The following CUX1 variants were observed in gnomAD, a reference collection of about 807,000 sequenced individuals.
The protein encoded by CUX1 is cut like homeobox 1, also known as protein CASP.
A neutral mutation model predicts 158.8 loss-of-function variants in CUX1; 31 were observed. The ratio of observed to expected loss-of-function variants is 0.20; its 90% CI spans 0.15 to 0.26. The LOEUF (loss-of-function observed/expected upper bound fraction) is 0.26. Ranked by LOEUF, CUX1 falls within the 10% of genes least tolerant of loss-of-function variation. CUX1 has a pLI of 1.00. For missense variants in CUX1, 1,589 were observed against 2,014.6 expected, an observed-to-expected ratio of 0.79 and a Z score of 4.04; for synonymous variants, 879 against 862.1, an observed-to-expected ratio of 1.02 and a Z score of -0.34.
At chr7:102,180,314 CT>C (rs782269252) in intron 11 of CUX1, among the ~76,000 whole-genome samples, 11,824 of 127,726 alleles carry the variant, frequency 0.093, 410 homozygotes, top group Admixed American at 0.13. Flanking sequence ...GAGCCACTGC[CT>C]TTTTTTTTTT....
Position 102,254,659 on chromosome 7 carries a change from T to C in CUX1, c.*5617T>C, listed in dbSNP as rs1789693006. ...GCATTGACCAGCCAAAGCTCACATT[T>C]AGAAAGCCCTCAGTGCTTCTGTGGT... On this transcript the variant is annotated 3_prime_UTR_variant, in exon 24 of 24. Coordinates refer to ENST00000292535, the MANE Select transcript of CUX1 (RefSeq NM_181552.4). 1.0e-6 allele frequency: 1 copy of C among 985,318 alleles called. No individual in the cohort carries two copies. Among genetic ancestry groups the C allele is most frequent in the Non-Finnish European group, 1.2e-6 (1 of 829,958 alleles). 61.0% of individuals were successfully genotyped at this position (985,318 alleles called of 1,614,324 possible). A position where few individuals can be genotyped will look rare whatever the true frequency, so the allele number is the denominator to read the frequency against.
intron 2 of CUX1, among the ~76,000 whole-genome samples, chr7:101,991,712 T>G (rs1227181236): frequency 6.8e-6 from 1 of 147,202 alleles, no homozygotes; most frequent in Non-Finnish European, 1.5e-5. Context: ...TGAGCTGAGA[T>G]CGCGCCACTG....
chr7:102,218,723 C>T (rs1318317627), intron 20 of CUX1, among the ~76,000 whole-genome samples: 10 of 151,660 alleles, frequency 6.6e-5, no homozygotes, highest in African/African-American at 2.2e-4. Context: ...TTTTGGCTCC[C>T]ATGTCATTAT....
rs571811800 is a variant in CUX1, at chr7:102,104,457, G to A, written c.528G>A (p.Glu176=). ...QKLQNDFAEK[E]RKLQETQMST... ...TACAGAATGACTTTGCAGAAAAGGA[G>A]AGGTGAGCATGACTTCCAGGCACAC... is the stretch of plus-strand genomic sequence containing the variant. The change falls in exon 6 of 24, where the codon GAG becomes GAA. Residue 176 remains glutamate, a splice_region_variant and synonymous_variant. Transcript: ENST00000292535. The A allele has an allele frequency of 3.2e-5, 52 of 1,613,062 alleles. No homozygotes were observed. The South Asian group carries it at 4.6e-4, about 14-fold the overall frequency.
intron 2 of CUX1, among the ~76,000 whole-genome samples, chr7:101,918,212 C>T (rs73185821): frequency 0.047 from 7,086 of 152,254 alleles, 227 homozygotes; most frequent in Non-Finnish European, 0.072. Context: ...TCACCCTGTC[C>T]GTTCCTTATG....
intron 8 of CUX1, among the ~76,000 whole-genome samples, chr7:102,137,657 A>G (rs1406182703): frequency 6.6e-6 from 1 of 152,072 alleles, no homozygotes; most frequent in Non-Finnish European, 1.5e-5. Context: ...GGTAATGGCA[A>G]AACCACAGTT....
intron 1 of CUX1, among the ~76,000 whole-genome samples, chr7:101,824,965 CAT>C (rs1384183770): frequency 6.6e-6 from 1 of 152,140 alleles, no homozygotes; most frequent in East Asian, 1.9e-4. Flanking sequence ...AATGGTGAAA[CAT>C]ATTATTTTCT....
Position 102,251,077 on chromosome 7 carries a change from G to A in CUX1, c.*2035G>A, listed in dbSNP as rs1213956069. 1 of 985,188 alleles carries A rather than the reference G, an allele frequency of 1.0e-6. No homozygotes were observed. The highest frequency in any genetic ancestry group is 1.1e-4 in the East Asian group (1 of 8,810). 61.0% of individuals were successfully genotyped at this position (985,188 alleles called of 1,614,324 possible). ...AGAGGGATAGACTGCCGGCAGTATT[G>A]GGTATAATTTACAAGATGTAGTTGT... On this transcript the variant is annotated 3_prime_UTR_variant, in exon 24 of 24. Transcript: ENST00000292535.
In CUX1 at chr7:102,249,531, T is replaced by G; in HGVS notation, c.*489T>G. 2 of 985,906 alleles carry G rather than the reference T, an allele frequency of 2.0e-6. No individual in the cohort carries two copies. The highest frequency in any genetic ancestry group is 2.4e-6 in the Non-Finnish European group (2 of 829,952). The allele number at this position is 985,906 out of a possible 1,614,324, so 61.1% of individuals were successfully genotyped here. On this transcript the variant is annotated 3_prime_UTR_variant, in exon 24 of 24. Coordinates refer to ENST00000292535, the MANE Select transcript of CUX1 (RefSeq NM_181552.4). ...TTTCCACAGGTTCTGGAATAACTCT[T>G]ACAGCTTTGCCTTGTGTCCTCCTGT...
At chr7:101,932,605 A>G (rs1230275345) in intron 2 of CUX1, 3 of 455,744 alleles carry the variant, frequency 6.6e-6, no homozygotes, top group Admixed American at 2.4e-5. Flanking sequence ...GGCCTGGTTG[A>G]TGTGTGCTCG....
At chr7:102,117,164 G>A (rs1463936336) in intron 8 of CUX1, among the ~76,000 whole-genome samples, 2 of 152,022 alleles carry the variant, frequency 1.3e-5, no homozygotes, top group Non-Finnish European at 2.9e-5. Context: ...TTGGGAGGCC[G>A]AGGCAGGTGG....
chr7:102,060,911 C>CTT (rs1039443388), intron 3 of CUX1, among the ~76,000 whole-genome samples: 11,373 of 79,414 alleles, frequency 0.14, 1,322 homozygotes, highest in African/African-American at 0.29. Context: ...CGCGCCTGGC[C>CTT]TTTTTTTTTT....
intron 15 of CUX1, among the ~76,000 whole-genome samples, 190 bp downstream of exon 15, chr7:102,197,495 G>T (rs1794915870): frequency 6.6e-6 from 1 of 152,188 alleles, no homozygotes; most frequent in Non-Finnish European, 1.5e-5. Context: ...GTTAGATTTG[G>T]GAGATCTGGC....
chr7:102,038,603 G>C (rs547291744), intron 3 of CUX1, among the ~76,000 whole-genome samples: 15 of 152,176 alleles, frequency 9.9e-5, no homozygotes, highest in Admixed American at 3.9e-4. Context: ...GGCATCTGGT[G>C]ATAAAGACTC....
At chr7:101,915,511 G>A (rs1019964367) in intron 1 of CUX1, among the ~76,000 whole-genome samples, 1 of 152,180 alleles carries the variant, frequency 6.6e-6, no homozygotes, top group Non-Finnish European at 1.5e-5. Context: ...ACCTTTTAAA[G>A]GTCCCTCTTG....
intron 2 of CUX1, among the ~76,000 whole-genome samples, chr7:101,941,712 A>G (rs1271045860): frequency 6.6e-6 from 1 of 152,202 alleles, no homozygotes; most frequent in African/African-American, 2.4e-5. Context: ...CTGGGATCAC[A>G]GATCAGGAGC....
At chr7:101,842,060 A>G (rs912896803) in intron 1 of CUX1, among the ~76,000 whole-genome samples, 12 of 152,092 alleles carry the variant, frequency 7.9e-5, no homozygotes, top group African/African-American at 2.7e-4. Flanking sequence ...GGGTTATTTA[A>G]TACTGTATAT....
At chr7:102,093,596 C>T (rs1457895157) in intron 4 of CUX1, among the ~76,000 whole-genome samples, 3 of 152,122 alleles carry the variant, frequency 2.0e-5, no homozygotes, top group African/African-American at 4.8e-5. Flanking sequence ...CATTGCAGAG[C>T]GGGCTCCGCC....
At chr7:102,089,551 ACTCTTCAACAAGTCCTTG>A (rs1490730219) in intron 4 of CUX1, among the ~76,000 whole-genome samples, 5 of 152,122 alleles carry the variant, frequency 3.3e-5, no homozygotes, top group African/African-American at 4.8e-5. Context: ...CAGTGTCTTT[ACTCTTCAACAAGTCCTTG>A]CTCTTCAACA....
Sources: gnomAD v4.1 joint callset for allele counts (sites outside exome capture counted in the v4.1 genomes callset) on GRCh38, gnomAD v4.1.1 for gene constraint, MANE v1.5 for transcripts, NCBI Gene and HGNC (gene_info 2026-07-23, HGNC 2026-07-21) for gene names.